Variants in CREBRF observed in about 807,000 individuals in gnomAD.
CREBRF encodes the protein UPF0474 protein C5orf41.
A neutral mutation model predicts 66.1 loss-of-function variants in CREBRF; 5 were observed. That is an observed-to-expected ratio of 0.08 (90% CI 0.04 to 0.16). CREBRF has a LOEUF of 0.16. Among genes scored for constraint, CREBRF ranks in the 10% least tolerant of loss-of-function variants. CREBRF has a pLI of 1.00. For synonymous variants in CREBRF, 229 were observed against 264.4 expected (o/e 0.87, Z 1.30); for missense variants, 531 against 744.9 (o/e 0.71, Z 3.34).
At chr5:173,122,863 C>T (rs951619023) in intron 7 of CREBRF, among the ~76,000 whole-genome samples, 2 of 145,892 alleles carry the variant, frequency 1.4e-5, no homozygotes, top group Admixed American at 7.0e-5. Context: ...GTTTTTTGTC[C>T]TTGCGATAGT....
intron 4 of CREBRF, among the ~76,000 whole-genome samples, chr5:173,097,995 C>T (rs1330915401): frequency 6.7e-5 from 10 of 150,078 alleles, no homozygotes; most frequent in East Asian, 1.9e-4. Flanking sequence ...TTTTCTTTGT[C>T]GTAGTTGTTT....
At chr5:173,062,881 G>A (rs1360417783) in intron 1 of CREBRF, among the ~76,000 whole-genome samples, 1 of 150,914 alleles carries the variant, frequency 6.6e-6, no homozygotes, top group African/African-American at 2.4e-5. Flanking sequence ...CCAAGTAGCT[G>A]GGACTACAGG....
intron 7 of CREBRF, among the ~76,000 whole-genome samples, chr5:173,120,613 T>A (rs1759115883): frequency 6.7e-6 from 1 of 149,924 alleles, no homozygotes; most frequent in Non-Finnish European, 1.5e-5. Context: ...ACACCTGGCC[T>A]CAAGTGATCC....
intron 4 of CREBRF, among the ~76,000 whole-genome samples, chr5:173,105,640 G>T (rs1017689800): frequency 6.6e-6 from 1 of 152,098 alleles, no homozygotes; most frequent in African/African-American, 2.4e-5. Context: ...GCTGATTTTT[G>T]TATTTTTAGT....
At chr5:173,076,829 A>G (rs1162134872) in intron 1 of CREBRF, among the ~76,000 whole-genome samples, 5 of 152,168 alleles carry the variant, frequency 3.3e-5, no homozygotes, top group Non-Finnish European at 7.3e-5. Context: ...TTTAAAGACA[A>G]CAGAGAGAGG....
At chr5:173,084,502 G>A (rs974252654) in intron 2 of CREBRF, among the ~76,000 whole-genome samples, 5 of 152,092 alleles carry the variant, frequency 3.3e-5, no homozygotes, top group Non-Finnish European at 7.3e-5. Context: ...CTTTTCTGAC[G>A]ATACACAATT....
At chr5:173,057,379 G>GT (rs1176564682) in intron 1 of CREBRF, 1 of 152,666 alleles carries the variant, frequency 6.6e-6, no homozygotes, top group Non-Finnish European at 1.5e-5. Context: ...CGGGCCGGGG[G>GT]TGTTTCGGGT....
At chr5:173,085,975 GACTAGAAAT>G (rs2113724038) in intron 2 of CREBRF, 1 of 1,501,648 alleles carries the variant, frequency 6.7e-7, no homozygotes, top group Non-Finnish European at 9.3e-7. Context: ...CTGAAAAACA[GACTAGAAAT>G]ACATCTGTTT....
At chr5:173,131,120 G>A (rs1390780994) in intron 8 of CREBRF, among the ~76,000 whole-genome samples, 1 of 152,182 alleles carries the variant, frequency 6.6e-6, no homozygotes, top group Non-Finnish European at 1.5e-5. Flanking sequence ...ATAGGCATGA[G>A]CCACCCCACC....
At chr5:173,129,329 G>C (rs1759354171) in intron 8 of CREBRF, among the ~76,000 whole-genome samples, 1 of 148,566 alleles carries the variant, frequency 6.7e-6, no homozygotes, top group Admixed American at 6.8e-5. Context: ...TGTCAGCCAG[G>C]ATGGTCTTGA....
At chr5:173,065,595 C>T (rs1757411082) in intron 1 of CREBRF, among the ~76,000 whole-genome samples, 1 of 145,000 alleles carries the variant, frequency 6.9e-6, no homozygotes, top group African/African-American at 2.6e-5. Context: ...TCACCTCCCA[C>T]CCTCCCTCCC....
chr5:173,086,445 TA>T, intron 2 of CREBRF, 55 bp from the exon 3 acceptor site: 1 of 1,563,362 alleles, frequency 6.4e-7, no homozygotes, highest in South Asian at 1.1e-5. Context: ...TCATATGTGA[TA>T]AATTGGTCTC....
Position 173,090,837 on chromosome 5 carries a change from T to C in CREBRF, c.658T>C (p.Tyr220His), listed in dbSNP as rs1205017616. The change falls in exon 4 of 9, where the codon TAT (tyrosine) becomes CAT (histidine). Residue 220 changes from tyrosine (Y) to histidine (H), a missense_variant. Tyr to His is a moderately conservative substitution (Grantham distance 83). This residue lies in a region of CREBRF where 309 missense variants were observed against 341.4 expected (regional missense o/e 0.90). Transcript: ENST00000296953. This position sits in a 1 kb window ranked among gnomAD's most constrained non-coding sequence, Gnocchi z 4.5. The stretch of plus-strand genomic sequence containing the variant: ...ACAAATCATGGTGAAGACCAACATG[T>C]ATCATAATGAAAAGGTGAACTTTCA... Reference protein sequence around the residue: ...STQIMVKTNMYHNEKVNFHVE... With the variant: ...STQIMVKTNMHHNEKVNFHVE... 6.2e-7 allele frequency: 1 copy of C among 1,614,040 alleles called. No individual in the cohort carries two copies. Among genetic ancestry groups the C allele is most frequent in the Non-Finnish European group, 8.5e-7 (1 of 1,180,046 alleles).
At position 173,138,651 on chromosome 5, in the gene CREBRF, A is replaced by G. The variant is rs1759642717; in HGVS notation, c.*4906A>G. ...CAATGTAAACACAATGGTGTAGTTA[A>G]TTAAATTCTGGGTGGATAGGAGCAG... On this transcript the variant is annotated 3_prime_UTR_variant, in exon 9 of 9. Transcript: ENST00000296953. 6.6e-6 allele frequency: 1 copy of G among 152,222 alleles called. No individual in the cohort carries two copies. The highest frequency in any genetic ancestry group is 2.1e-4 in the South Asian group (1 of 4,830). The allele number at this position is 152,222 out of a possible 1,614,324, so 9.4% of individuals were successfully genotyped here.
chr5:173,089,616 G>GT (rs1758268030), intron 3 of CREBRF, among the ~76,000 whole-genome samples: 1 of 149,496 alleles, frequency 6.7e-6, no homozygotes, highest in Admixed American at 6.7e-5. Context: ...GAGGTCAGGA[G>GT]TTTGAGACCA....
chr5:173,111,938 CTT>C (rs750388187), intron 6 of CREBRF, among the ~76,000 whole-genome samples: 4 of 152,098 alleles, frequency 2.6e-5, no homozygotes, highest in Non-Finnish European at 5.9e-5. Context: ...TTTTTAGCCA[CTT>C]TAATAGGTGT....
In CREBRF at chr5:173,137,366, T is replaced by G. The variant is rs1172869602; in HGVS notation, c.*3621T>G. Reference sequence around the variant, plus strand: ...TCTTTATAGTTATTTTATATTTGTATGAAAGACCAGTTTTGGATGGTCTTT... The same window carrying G: ...TCTTTATAGTTATTTTATATTTGTAGGAAAGACCAGTTTTGGATGGTCTTT... On this transcript the variant is annotated 3_prime_UTR_variant, in exon 9 of 9. Coordinates refer to ENST00000296953, the MANE Select transcript of CREBRF (RefSeq NM_153607.3). The G allele has an allele frequency of 1.3e-5, 2 of 152,104 alleles. No individual in the cohort carries two copies. The highest frequency in any genetic ancestry group is 1.5e-5 in the Non-Finnish European group (1 of 67,946). The allele number at this position is 152,104 out of a possible 1,614,324, so 9.4% of individuals were successfully genotyped here.
intron 1 of CREBRF, among the ~76,000 whole-genome samples, chr5:173,061,753 A>G (rs1345814344): frequency 6.6e-6 from 1 of 152,228 alleles, no homozygotes; most frequent in East Asian, 1.9e-4. Flanking sequence ...CCAGGCCCAA[A>G]AAGATACAGG....
chr5:173,105,082 G>A (rs577556551), intron 4 of CREBRF, among the ~76,000 whole-genome samples: 4 of 152,268 alleles, frequency 2.6e-5, no homozygotes, highest in Admixed American at 6.5e-5. Flanking sequence ...ATTTTAGTTC[G>A]TATAAATGGA....
Sources: allele counts gnomAD v4.1 joint callset (sites outside exome capture counted in the v4.1 genomes callset), GRCh38; gene constraint gnomAD v4.1.1; regional missense constraint gnomAD v4.1.1; non-coding constraint Gnocchi (gnomAD v3.1); transcripts MANE v1.5; gene names NCBI Gene and HGNC (gene_info 2026-07-23, HGNC 2026-07-21).